Variants in UNC13C observed in about 807,000 individuals in gnomAD.
The protein encoded by UNC13C is unc-13 homolog C, also known as protein unc-13 homolog C.
In UNC13C, 174 loss-of-function variants were observed where a neutral mutation model predicts 245.4. The observed-to-expected ratio is 0.71, with a 90% CI of 0.63 to 0.80. UNC13C has a LOEUF of 0.80. Ranked by LOEUF, UNC13C falls within the 30% of genes least tolerant of loss-of-function variation. UNC13C has a pLI of 0.00. For missense variants in UNC13C, 2,829 were observed against 2,602.9 expected, an observed-to-expected ratio of 1.09 and a Z score of -1.89; for synonymous variants, 992 against 895.1, an observed-to-expected ratio of 1.11 and a Z score of -1.93.
chr15:54,249,002 A>G (rs1430620983), intron 7 of UNC13C, among the ~76,000 whole-genome samples: 3 of 152,174 alleles, frequency 2.0e-5, no homozygotes, highest in Non-Finnish European at 4.4e-5. Context: ...CAAAATATAA[A>G]TGCTTCCCTT....
chr15:54,451,564 AT>A (rs143365428), intron 19 of UNC13C, among the ~76,000 whole-genome samples: 1 of 151,766 alleles, frequency 6.6e-6, no homozygotes, highest in African/African-American at 2.4e-5. Context: ...GAATAAATGC[AT>A]TTTTTACTTC....
the UNC13C span, among the ~76,000 whole-genome samples, chr15:53,885,240 C>T: frequency 2.6e-5 from 4 of 152,204 alleles, no homozygotes; most frequent in Admixed American, 6.5e-5. Flanking sequence ...CTGTTTCCCA[C>T]CCAATTTTAT....
chr15:54,388,261 T>C (rs1049624392), intron 17 of UNC13C, among the ~76,000 whole-genome samples: 4 of 152,172 alleles, frequency 2.6e-5, no homozygotes, highest in Non-Finnish European at 5.9e-5. Flanking sequence ...TCTTCAAATA[T>C]TTAAATCTCA....
chr15:54,297,935 A>G lies in UNC13C; in HGVS notation c.4104+9A>G. 1.4e-6 allele frequency: 2 copies of G among 1,465,882 alleles called. No individual in the cohort carries two copies. The highest frequency in any genetic ancestry group is 1.9e-6 in the Non-Finnish European group (2 of 1,067,532). The allele number at this position is 1,465,882 out of a possible 1,614,324, so 90.8% of individuals were successfully genotyped here. On this transcript the variant is annotated intron_variant, in intron 12 of 32. Transcript: ENST00000260323. ...ATACATGTTTACATGAGGTAAATAAATGGAATTTTACTAATACAAAATATA... is the reference window on the plus strand; with the variant it reads ...ATACATGTTTACATGAGGTAAATAAGTGGAATTTTACTAATACAAAATATA...
At chr15:54,174,382 T>C (rs1435478374) in intron 4 of UNC13C, among the ~76,000 whole-genome samples, 2 of 152,208 alleles carry the variant, frequency 1.3e-5, no homozygotes, top group African/African-American at 4.8e-5. Flanking sequence ...GTGAGCTGGC[T>C]TATTTGCGTG....
At chr15:54,370,015 G>A (rs2039453904) in intron 17 of UNC13C, among the ~76,000 whole-genome samples, 1 of 152,110 alleles carries the variant, frequency 6.6e-6, no homozygotes, top group South Asian at 2.1e-4. Context: ...GAGCTCATTG[G>A]TTGTACTTAA....
chr15:53,938,423 CCTCA>C, the UNC13C span, among the ~76,000 whole-genome samples: 5 of 151,796 alleles, frequency 3.3e-5, no homozygotes, highest in Middle Eastern at 3.4e-3. Context: ...CATAATAACA[CCTCA>C]CTGACAATAC....
chr15:54,329,332 T>C (rs1165682123), intron 14 of UNC13C, among the ~76,000 whole-genome samples: 3 of 152,008 alleles, frequency 2.0e-5, no homozygotes, highest in South Asian at 2.1e-4. Context: ...CAACCAATTA[T>C]TGTTAACTAT....
At chr15:54,249,917 T>G (rs2036098983) in intron 7 of UNC13C, among the ~76,000 whole-genome samples, 1 of 152,136 alleles carries the variant, frequency 6.6e-6, no homozygotes, top group Admixed American at 6.5e-5. Flanking sequence ...TAGCAGGGAC[T>G]TAGACATTCT....
intron 1 of UNC13C, among the ~76,000 whole-genome samples, chr15:53,998,929 G>A (rs931362786): frequency 6.6e-6 from 1 of 151,710 alleles, no homozygotes. Context: ...AATTAAATCA[G>A]CCTTACATTC....
chr15:54,032,821 A>G (rs1489926927), intron 2 of UNC13C, among the ~76,000 whole-genome samples: 1 of 151,846 alleles, frequency 6.6e-6, no homozygotes, highest in Non-Finnish European at 1.5e-5. Context: ...TAAATGAACT[A>G]ATGGGATTTG....
chr15:54,318,048 T>C (rs1189983828), intron 13 of UNC13C, among the ~76,000 whole-genome samples: 1 of 151,988 alleles, frequency 6.6e-6, no homozygotes, highest in African/African-American at 2.4e-5. Flanking sequence ...TCCATGTTGT[T>C]GCAAATGGCA....
intron 19 of UNC13C, among the ~76,000 whole-genome samples, chr15:54,455,203 CTCTATATATATATATATATATA>C (rs1891429748): frequency 3.7e-5 from 1 of 27,324 alleles, no homozygotes; most frequent in African/African-American, 1.2e-4. Flanking sequence ...CTCTCTCTCT[CTCTATATATATATATATATATA>C]TATATATATA....
At chr15:54,018,909 A>G (rs1276746187) in intron 2 of UNC13C, among the ~76,000 whole-genome samples, 3 of 152,168 alleles carry the variant, frequency 2.0e-5, no homozygotes, top group African/African-American at 7.2e-5. Flanking sequence ...CTGAATCAAG[A>G]GAGGTGGGAT....
chr15:54,072,496 C>T (rs1394850155), intron 2 of UNC13C, among the ~76,000 whole-genome samples: 1 of 152,184 alleles, frequency 6.6e-6, no homozygotes, highest in African/African-American at 2.4e-5. Context: ...AAATTGCGCA[C>T]ATCACCCAAA....
chr15:54,615,284 C>G (rs1900355180), intron 30 of UNC13C, among the ~76,000 whole-genome samples: 1 of 151,994 alleles, frequency 6.6e-6, no homozygotes, highest in Admixed American at 6.6e-5. Context: ...CCCTATTGTA[C>G]TACCAAAAAG....
intron 19 of UNC13C, among the ~76,000 whole-genome samples, chr15:54,455,416 G>C (rs868326615): frequency 2.0e-5 from 3 of 150,398 alleles, no homozygotes; most frequent in Non-Finnish European, 4.4e-5. Flanking sequence ...TCTACCTTTA[G>C]TTCTTTAAGG....
intron 25 of UNC13C, among the ~76,000 whole-genome samples, chr15:54,531,194 G>T (rs1485519368): frequency 6.6e-6 from 1 of 152,112 alleles, no homozygotes; most frequent in East Asian, 1.9e-4. Context: ...TGGGTTAGAA[G>T]TCAGGTCTGC....
At position 54,250,377 on chromosome 15, in the gene UNC13C, G is replaced by A; in HGVS notation, c.3381G>A (p.Lys1127=). 6.2e-7 allele frequency: 1 copy of A among 1,613,972 alleles called. No homozygotes were observed. Among genetic ancestry groups the A allele is most frequent in the South Asian group, 1.1e-5 (1 of 91,082 alleles). ...GGGGCATTGCAAGGCAAGGCATGAAGTGTCTGGAGTGTGGAGTGAAATGCC... is the reference window on the plus strand; with the variant it reads ...GGGGCATTGCAAGGCAAGGCATGAAATGTCTGGAGTGTGGAGTGAAATGCC... ...LLWGIARQGM[K]CLECGVKCHE... Residue 1127 remains lysine, a synonymous_variant, in exon 8 of 33, where the codon AAG becomes AAA. Transcript: ENST00000260323.
Sources: allele counts gnomAD v4.1 joint callset (sites outside exome capture counted in the v4.1 genomes callset), GRCh38; gene constraint gnomAD v4.1.1; transcripts MANE v1.5; gene names NCBI Gene and HGNC (gene_info 2026-07-23, HGNC 2026-07-21).